The following AFF3 variants were observed in gnomAD, a reference collection of about 807,000 sequenced individuals.
AFF3 encodes AF4/FMR2 family member 3.
AFF3 carries 32 observed loss-of-function variants against 129.7 expected under a neutral mutation model. That is an observed-to-expected ratio of 0.25 (90% confidence interval 0.19 to 0.33). AFF3 has a LOEUF of 0.33. Ranked by LOEUF, AFF3 falls within the 10% of genes least tolerant of loss-of-function variation. The probability of loss-of-function intolerance (pLI) is 1.00; values close to 1 mark genes in which losing one functional copy is unlikely to be tolerated. For synonymous variants in AFF3, 644 were observed against 635.4 expected, an observed-to-expected ratio of 1.01 and a Z score of -0.20; for missense variants, 1,373 against 1,592.0, an observed-to-expected ratio of 0.86 and a Z score of 2.34.
intron 13 of AFF3, among the ~76,000 whole-genome samples, chr2:99,641,565 A>C (rs4850909): frequency 0.6 from 91,254 of 151,900 alleles, 27,875 homozygotes; most frequent in East Asian, 0.82. Context: ...ATAATTCCAG[A>C]TACTTGGGAG....
At chr2:99,595,899 C>T (rs955173640) in intron 14 of AFF3, among the ~76,000 whole-genome samples, 2 of 152,222 alleles carry the variant, frequency 1.3e-5, no homozygotes, top group African/African-American at 4.8e-5. Flanking sequence ...TGCCCCAAAC[C>T]AGATGGGACC....
chr2:99,723,266 C>T (rs1252879093), intron 11 of AFF3, among the ~76,000 whole-genome samples: 3 of 152,176 alleles, frequency 2.0e-5, no homozygotes, highest in African/African-American at 7.2e-5. Context: ...CAGACTGTGT[C>T]ATACTGCCAA....
intron 7 of AFF3, among the ~76,000 whole-genome samples, chr2:99,987,764 T>C (rs931018616): frequency 1.3e-5 from 2 of 152,238 alleles, no homozygotes; most frequent in Non-Finnish European, 2.9e-5. Context: ...TTTAAAAATG[T>C]ATTCTATGCT....
chr2:99,822,012 T>C (rs1020360119), intron 8 of AFF3, among the ~76,000 whole-genome samples: 4 of 152,190 alleles, frequency 2.6e-5, no homozygotes, highest in African/African-American at 9.7e-5. Context: ...TATTCCTTCT[T>C]ACATTTTGGA....
At chr2:99,924,567 C>T (rs1006421811) in intron 7 of AFF3, among the ~76,000 whole-genome samples, 1 of 152,114 alleles carries the variant, frequency 6.6e-6, no homozygotes, top group African/African-American at 2.4e-5. Flanking sequence ...GTTGTATTCT[C>T]AATCTTTTCA....
chr2:99,799,518 C>T (rs113006776), intron 8 of AFF3, among the ~76,000 whole-genome samples: 8 of 151,926 alleles, frequency 5.3e-5, no homozygotes, highest in Non-Finnish European at 8.8e-5. Context: ...TTGGAAGAAT[C>T]GATATTGTTA....
At chr2:99,650,068 C>A (rs908591670) in intron 12 of AFF3, among the ~76,000 whole-genome samples, 13 of 152,174 alleles carry the variant, frequency 8.5e-5, no homozygotes, top group African/African-American at 3.1e-4. Flanking sequence ...TAGCTTCTTT[C>A]CCAATGAAGG....
At chr2:99,630,711 AG>A (rs1483911955) in intron 13 of AFF3, 1 of 159,462 alleles carries the variant, frequency 6.3e-6, no homozygotes, top group East Asian at 1.9e-4. Context: ...AGAGACAGAG[AG>A]TGAGCAAAGA....
intron 13 of AFF3, among the ~76,000 whole-genome samples, chr2:99,641,937 T>C (rs1266159215): frequency 6.6e-6 from 1 of 152,194 alleles, no homozygotes; most frequent in African/African-American, 2.4e-5. Context: ...TACCACACTG[T>C]AGATTCCCTG....
At chr2:99,884,317 G>A (rs1027394808) in intron 7 of AFF3, among the ~76,000 whole-genome samples, 5 of 152,072 alleles carry the variant, frequency 3.3e-5, no homozygotes, top group African/African-American at 1.2e-4. Context: ...TTCGTTGTAC[G>A]GCTTGAACAT....
chr2:100,074,815 T>A (rs912342677), intron 4 of AFF3, among the ~76,000 whole-genome samples: 2 of 152,202 alleles, frequency 1.3e-5, no homozygotes, highest in Admixed American at 6.5e-5. Context: ...TTGACCTTAT[T>A]TATGCCAATA....
chr2:99,642,807 T>C (rs2177542), intron 13 of AFF3, among the ~76,000 whole-genome samples: 129,005 of 152,088 alleles, frequency 0.85, 54,800 homozygotes, highest in East Asian at 0.93. Context: ...CTGGGTGAGT[T>C]GCATCACCTG....
chr2:100,128,788 C>A (rs985267927), intron 2 of AFF3, among the ~76,000 whole-genome samples: 40 of 152,316 alleles, frequency 2.6e-4, no homozygotes, highest in African/African-American at 8.9e-4. Flanking sequence ...CAAAAGGTTT[C>A]GTTGCCAGAA....
chr2:99,695,986 A>AC (rs1332823681), intron 11 of AFF3, among the ~76,000 whole-genome samples: 3 of 151,302 alleles, frequency 2.0e-5, no homozygotes, highest in African/African-American at 7.3e-5. Flanking sequence ...AAAAAAAAAA[A>AC]AACTAAAAAC....
chr2:99,594,311 C>G, intron 14 of AFF3, 22 bp from the exon 15 acceptor site: 1 of 1,581,454 alleles, frequency 6.3e-7, no homozygotes, highest in Non-Finnish European at 8.6e-7. Context: ...AAACCGGTGA[C>G]AAACAAAACA....
At chr2:100,112,363 C>T (rs1253563104) in intron 2 of AFF3, 4 of 152,206 alleles carry the variant, frequency 2.6e-5, no homozygotes, top group South Asian at 2.1e-4. Context: ...GGCAGGAAAC[C>T]CCTGGAAAAG....
At chr2:99,956,712 T>C (rs1676682203) in intron 7 of AFF3, among the ~76,000 whole-genome samples, 1 of 152,200 alleles carries the variant, frequency 6.6e-6, no homozygotes, top group South Asian at 2.1e-4. Flanking sequence ...TCTCTATTCA[T>C]GACAGAACAT....
At chr2:99,826,813 C>T (rs1688117017) in intron 8 of AFF3, among the ~76,000 whole-genome samples, 1 of 152,136 alleles carries the variant, frequency 6.6e-6, no homozygotes, top group South Asian at 2.1e-4. Context: ...TTCCAGCAAA[C>T]CTATGCTTTG....
In AFF3 at chr2:100,006,859, A is replaced by G. The variant is rs1682018855; in HGVS notation, c.646T>C (p.Phe216Leu). 1 of 1,614,156 alleles carries G rather than the reference A, an allele frequency of 6.2e-7. No individual in the cohort carries two copies. Among genetic ancestry groups the G allele is most frequent in the Non-Finnish European group, 8.5e-7 (1 of 1,180,026 alleles). The change falls in exon 7 of 25, where the codon TTT (phenylalanine) becomes CTT (leucine). Residue 216 changes from phenylalanine (F) to leucine (L), a missense_variant. Phe to Leu is a conservative substitution (Grantham distance 22). Transcript: ENST00000672756. ...HSSSGHCVQN[F>L]PPSLASKPSL... ...GGTTTTGAAGCTAGGGATGGAGGAA[A>G]GTTCTGAACACAGTGTCCGCTGCTG...
Sources: gnomAD v4.1 joint callset for allele counts (sites outside exome capture counted in the v4.1 genomes callset) on GRCh38, gnomAD v4.1.1 for gene constraint, MANE v1.5 for transcripts, NCBI Gene and HGNC (gene_info 2026-07-23, HGNC 2026-07-21) for gene names.